The following HS6ST3 variants were observed in gnomAD, a reference collection of about 807,000 sequenced individuals.
The protein encoded by HS6ST3 is heparan-sulfate 6-O-sulfotransferase 3.
In HS6ST3, 12 loss-of-function variants were observed where a neutral mutation model predicts 36.7. The observed-to-expected ratio is 0.33, with a 90% CI of 0.21 to 0.53. The LOEUF is 0.53. Among genes scored for constraint, HS6ST3 ranks in the 20% least tolerant of loss-of-function variants. The probability of loss-of-function intolerance (pLI) is 0.95; values close to 1 mark genes in which losing one functional copy is unlikely to be tolerated. For synonymous variants in HS6ST3, 240 were observed against 257.5 expected (o/e 0.93, Z 0.65); for missense variants, 584 against 640.9 (o/e 0.91, Z 0.96).
intron 1 of HS6ST3, among the ~76,000 whole-genome samples, chr13:96,308,801 A>G (rs2054926208): frequency 6.6e-6 from 1 of 152,116 alleles, no homozygotes; most frequent in African/African-American, 2.4e-5. Flanking sequence ...CAAAGATTCT[A>G]TCCATGACAA....
At chr13:96,782,699 TA>T (rs1378720912) in intron 1 of HS6ST3, among the ~76,000 whole-genome samples, 2 of 152,150 alleles carry the variant, frequency 1.3e-5, no homozygotes, top group Admixed American at 1.3e-4. Flanking sequence ...AGGTTGCCTG[TA>T]CAAGGAAAAG....
At chr13:96,444,112 T>C (rs761348463) in intron 1 of HS6ST3, among the ~76,000 whole-genome samples, 8 of 152,214 alleles carry the variant, frequency 5.3e-5, no homozygotes, top group South Asian at 2.1e-4. Flanking sequence ...GAGAAAAGTA[T>C]AGAGTGTGAA....
chr13:96,708,343 A>G (rs559709808), intron 1 of HS6ST3, among the ~76,000 whole-genome samples: 3 of 152,366 alleles, frequency 2.0e-5, no homozygotes, highest in East Asian at 3.9e-4. Context: ...TCTAGAGCAT[A>G]TAAGATGGAA....
At chr13:96,390,472 T>A (rs2055390138) in intron 1 of HS6ST3, among the ~76,000 whole-genome samples, 1 of 152,218 alleles carries the variant, frequency 6.6e-6, no homozygotes, top group South Asian at 2.1e-4. Context: ...AAGCAGGACC[T>A]CACCAGACAG....
intron 1 of HS6ST3, among the ~76,000 whole-genome samples, chr13:96,719,286 AC>A (rs1330936816): frequency 6.6e-6 from 1 of 151,632 alleles, no homozygotes; most frequent in Non-Finnish European, 1.5e-5. Context: ...AAAAAAAAAA[AC>A]CAAAAAAAGA....
intron 1 of HS6ST3, among the ~76,000 whole-genome samples, chr13:96,192,805 T>A (rs1021018136): frequency 6.6e-6 from 1 of 152,036 alleles, no homozygotes; most frequent in African/African-American, 2.4e-5. Context: ...AATATGAAAA[T>A]TTTTAAAAGA....
chr13:96,605,155 T>C (rs977590735), intron 1 of HS6ST3, among the ~76,000 whole-genome samples: 2 of 152,300 alleles, frequency 1.3e-5, no homozygotes, highest in Non-Finnish European at 2.9e-5. Flanking sequence ...CCACTTCTTA[T>C]CAGTTCTAGG....
intron 1 of HS6ST3, among the ~76,000 whole-genome samples, chr13:96,435,573 C>T (rs1238293354): frequency 6.6e-6 from 1 of 152,168 alleles, no homozygotes. Context: ...TGTATCCCAA[C>T]TAATCTGTAA....
intron 1 of HS6ST3, among the ~76,000 whole-genome samples, chr13:96,500,159 C>G (rs1481964087): frequency 1.3e-5 from 2 of 152,106 alleles, no homozygotes; most frequent in Non-Finnish European, 2.9e-5. Flanking sequence ...TCTGGACATC[C>G]CATATAAATG....
chr13:96,133,373 G>A (rs928488875), intron 1 of HS6ST3, among the ~76,000 whole-genome samples: 34 of 151,646 alleles, frequency 2.2e-4, no homozygotes, highest in African/African-American at 6.3e-4. Context: ...TGATCCGCCC[G>A]CCTCGGTCTC....
intron 1 of HS6ST3, among the ~76,000 whole-genome samples, chr13:96,364,392 A>T (rs1355131837): frequency 6.6e-6 from 1 of 152,228 alleles, no homozygotes; most frequent in Admixed American, 6.5e-5. Flanking sequence ...ATGGCATAGC[A>T]TATATCTACA....
At chr13:96,673,496 A>C (rs2056689066) in intron 1 of HS6ST3, among the ~76,000 whole-genome samples, 1 of 152,128 alleles carries the variant, frequency 6.6e-6, no homozygotes, top group African/African-American at 2.4e-5. Flanking sequence ...TTTTGTAGGC[A>C]ATTAGAGGGC....
chr13:96,091,207 G>T lies in HS6ST3; in HGVS notation c.345G>T (p.Pro115=). The T allele has an allele frequency of 6.4e-7, 1 of 1,564,692 alleles. No homozygotes were observed. The highest frequency in any genetic ancestry group is 2.4e-5 in the East Asian group (1 of 41,616). Reference sequence around the variant, plus strand: ...AAGACGAGCCGGACCCCGAGGCCCCGGAAAACGGCTCCCTGCCCCGATTCG... The same window carrying T: ...AAGACGAGCCGGACCCCGAGGCCCCTGAAAACGGCTCCCTGCCCCGATTCG... ...EEEDEPDPEA[P]ENGSLPRFVP... Residue 115 remains proline, a synonymous_variant, in exon 1 of 2, where the codon CCG becomes CCT. Transcript: ENST00000376705.
At chr13:96,099,626 A>G (rs1297718830) in intron 1 of HS6ST3, among the ~76,000 whole-genome samples, 1 of 152,208 alleles carries the variant, frequency 6.6e-6, no homozygotes, top group Non-Finnish European at 1.5e-5. Flanking sequence ...ATATCTTACC[A>G]TGCTTTTATT....
intron 1 of HS6ST3, among the ~76,000 whole-genome samples, chr13:96,568,926 T>C (rs2056291339): frequency 1.3e-5 from 2 of 152,152 alleles, no homozygotes; most frequent in South Asian, 4.1e-4. Context: ...AAATCATCCA[T>C]AAGTGTGGAA....
intron 1 of HS6ST3, among the ~76,000 whole-genome samples, chr13:96,225,039 G>A (rs1488853777): frequency 6.6e-6 from 1 of 152,200 alleles, no homozygotes; most frequent in Admixed American, 6.5e-5. Flanking sequence ...TAGCTTGTAA[G>A]TTGGCAATTG....
At chr13:96,825,235 T>C (rs1878623723) in intron 1 of HS6ST3, among the ~76,000 whole-genome samples, 1 of 152,242 alleles carries the variant, frequency 6.6e-6, no homozygotes, top group Admixed American at 6.5e-5. Flanking sequence ...AAGTGTATTC[T>C]CTTTGGATAG....
intron 1 of HS6ST3, among the ~76,000 whole-genome samples, chr13:96,616,059 A>G (rs2056473317): frequency 6.6e-6 from 1 of 152,220 alleles, no homozygotes; most frequent in Admixed American, 6.5e-5. Context: ...TTCTGGTTAG[A>G]TAGTATTTTC....
intron 1 of HS6ST3, among the ~76,000 whole-genome samples, chr13:96,369,639 A>C (rs979807469): frequency 6.6e-6 from 1 of 152,182 alleles, no homozygotes; most frequent in Non-Finnish European, 1.5e-5. Flanking sequence ...GACACACAAC[A>C]AGACTGATGA....
Sources: gnomAD v4.1 joint callset for allele counts (sites outside exome capture counted in the v4.1 genomes callset) on GRCh38, gnomAD v4.1.1 for gene constraint, MANE v1.5 for transcripts, NCBI Gene and HGNC (gene_info 2026-07-23, HGNC 2026-07-21) for gene names.